FHIT: variants seen among roughly 807,000 people sequenced by gnomAD.
FHIT encodes the protein fragile histidine triad diadenosine triphosphatase, also known as bis(5'-adenosyl)-triphosphatase.
FHIT carries 19 observed loss-of-function variants against 17.9 expected under a neutral mutation model. The observed-to-expected ratio is 1.06, with a 90% CI of 0.74 to 1.56. The LOEUF (loss-of-function observed/expected upper bound fraction) is 1.56, where lower values mean the gene tolerates loss of function less well. Among genes scored for constraint, FHIT ranks in the 40% most tolerant of loss-of-function variants. The probability of loss-of-function intolerance (pLI) is 0.00; values close to 1 mark genes in which losing one functional copy is unlikely to be tolerated. For missense variants in FHIT, 248 were observed against 189.2 expected (o/e 1.31, Z -1.82); for synonymous variants, 81 against 69.7 (o/e 1.16, Z -0.81).
At chr3:60,067,826 T>C (rs918319066) in intron 5 of FHIT, among the ~76,000 whole-genome samples, 1 of 152,226 alleles carries the variant, frequency 6.6e-6, no homozygotes, top group African/African-American at 2.4e-5. Context: ...TGTCGCTGCC[T>C]AACAGTGATG....
intron 4 of FHIT, among the ~76,000 whole-genome samples, chr3:60,646,624 T>C (rs1291584156): frequency 6.6e-6 from 1 of 152,224 alleles, no homozygotes; most frequent in East Asian, 1.9e-4. Context: ...TCTGATTTTC[T>C]TTTGTGGGGG....
chr3:60,027,127 ACACACACACACACAC>A (rs1286478606), intron 5 of FHIT, among the ~76,000 whole-genome samples: 1 of 130,972 alleles, frequency 7.6e-6, no homozygotes, highest in African/African-American at 3.1e-5. Flanking sequence ...ACACACACAC[ACACACACACACACAC>A]ACACACAAAA....
chr3:60,598,599 A>G (rs781916601), intron 4 of FHIT, among the ~76,000 whole-genome samples: 2 of 152,226 alleles, frequency 1.3e-5, no homozygotes, highest in Non-Finnish European at 2.9e-5. Context: ...ATAATGATAT[A>G]TCACACTGCT....
intron 3 of FHIT, among the ~76,000 whole-genome samples, chr3:60,854,617 G>T (rs1703300324): frequency 6.9e-6 from 1 of 145,830 alleles, no homozygotes; most frequent in African/African-American, 2.5e-5. Context: ...TGTCATAGAC[G>T]GCTGCTGGAT....
At chr3:59,932,752 G>A (rs1286850829) in intron 7 of FHIT, among the ~76,000 whole-genome samples, 1 of 152,106 alleles carries the variant, frequency 6.6e-6, no homozygotes, top group African/African-American at 2.4e-5. Flanking sequence ...AACAGGAACA[G>A]TGAGAGACGA....
chr3:60,881,718 A>G (rs1360190906), intron 3 of FHIT, among the ~76,000 whole-genome samples: 1 of 152,164 alleles, frequency 6.6e-6, no homozygotes, highest in East Asian at 1.9e-4. Context: ...ATTTATGAAA[A>G]TGGAAGCACA....
intron 1 of FHIT, among the ~76,000 whole-genome samples, chr3:61,201,606 T>A (rs1376706572): frequency 6.6e-6 from 1 of 152,134 alleles, no homozygotes; most frequent in Non-Finnish European, 1.5e-5. Context: ...CACATCCCTC[T>A]ATTCCATCAA....
chr3:60,713,624 C>G lies in FHIT; in HGVS notation c.-18+108295G>C, dbSNP rs1415913904. ...ATCACTGATCCCACAGAAATACAAA[C>G]TACCATCAGAGAATACTATAAACAC... On this transcript the variant is annotated intron_variant, in intron 4 of 9. Transcript: ENST00000492590. Among the ~76,000 whole-genome samples the G allele has an allele frequency of 3.9e-5, 6 of 152,144 alleles. 1 individual carries two copies. Among genetic ancestry groups the G allele is most frequent in the Admixed American group, 3.9e-4 (6 of 15,276 alleles).
chr3:60,590,633 A>G (rs746142649), intron 4 of FHIT, among the ~76,000 whole-genome samples: 1 of 152,114 alleles, frequency 6.6e-6, no homozygotes, highest in East Asian at 1.9e-4. Flanking sequence ...ACAAATATTT[A>G]TTTTGCAACT....
At chr3:60,927,735 GCC>G (rs869179370) in intron 3 of FHIT, among the ~76,000 whole-genome samples, 12 of 147,870 alleles carry the variant, frequency 8.1e-5, no homozygotes, top group Non-Finnish European at 1.6e-4. Flanking sequence ...AGGTGGGCGT[GCC>G]CCCACCCGGC....
intron 2 of FHIT, among the ~76,000 whole-genome samples, chr3:61,060,035 G>A (rs771853961): frequency 2.3e-4 from 35 of 152,040 alleles, no homozygotes; most frequent in Non-Finnish European, 4.6e-4. Context: ...GCAATGGGAT[G>A]ATGTCCTGTC....
At chr3:60,412,833 A>G (rs776205542) in intron 5 of FHIT, among the ~76,000 whole-genome samples, 8 of 152,162 alleles carry the variant, frequency 5.3e-5, no homozygotes, top group Non-Finnish European at 1.2e-4. Flanking sequence ...GGTTTCCCCC[A>G]TGCTGCTCTT....
intron 5 of FHIT, among the ~76,000 whole-genome samples, chr3:60,430,107 T>C (rs559461434): frequency 1.3e-5 from 2 of 151,952 alleles, no homozygotes; most frequent in African/African-American, 4.8e-5. Flanking sequence ...ATGAGACATA[T>C]GGGGCAGAGC....
intron 5 of FHIT, among the ~76,000 whole-genome samples, chr3:60,177,542 C>G (rs762840095): frequency 6.6e-6 from 1 of 152,162 alleles, no homozygotes; most frequent in Non-Finnish European, 1.5e-5. Flanking sequence ...AAGAGGCTTA[C>G]TGGGATGGGG....
chr3:60,693,001 T>C (rs76668895), intron 4 of FHIT, among the ~76,000 whole-genome samples: 1 of 152,228 alleles, frequency 6.6e-6, no homozygotes, highest in East Asian at 1.9e-4. Context: ...GTTGAAATTG[T>C]TCATTCTAGT....
intron 5 of FHIT, among the ~76,000 whole-genome samples, chr3:60,096,080 T>C (rs1483532312): frequency 6.6e-6 from 1 of 152,212 alleles, no homozygotes; most frequent in East Asian, 1.9e-4. Context: ...AGTGACACCC[T>C]GCCCAGGCCT....
At chr3:61,022,654 G>A (rs990745441) in intron 3 of FHIT, among the ~76,000 whole-genome samples, 1 of 152,216 alleles carries the variant, frequency 6.6e-6, no homozygotes, top group Non-Finnish European at 1.5e-5. Context: ...CCACGATCAA[G>A]TTGGCTTAAT....
In FHIT at chr3:60,791,145, A is replaced by G. The variant is rs10461040; in HGVS notation, c.-18+30774T>C. Among the ~76,000 whole-genome samples, 24 of 152,288 alleles carry G rather than the reference A, an allele frequency of 1.6e-4. No individual in the cohort carries two copies. The East Asian group carries it at 4.6e-3, about 29-fold the overall frequency. ...TAGGAGAGAAGAGGGAACAATGAAG[A>G]AAAGACTGCTCAAGCTGGCCCCTTA... On this transcript the variant is annotated intron_variant, in intron 4 of 9. Coordinates refer to ENST00000492590, the MANE Select transcript of FHIT (RefSeq NM_002012.4).
intron 2 of FHIT, among the ~76,000 whole-genome samples, chr3:61,071,676 G>A (rs12374031): frequency 0.47 from 71,172 of 151,988 alleles, 19,692 homozygotes; most frequent in Non-Finnish European, 0.64. Flanking sequence ...TTTCCAATAT[G>A]TTTATAATAA....
Sources: gnomAD v4.1 joint callset for allele counts (sites outside exome capture counted in the v4.1 genomes callset) on GRCh38, gnomAD v4.1.1 for gene constraint, MANE v1.5 for transcripts, NCBI Gene and HGNC (gene_info 2026-07-23, HGNC 2026-07-21) for gene names.